The following GTF2H3 variants were observed in gnomAD, a reference collection of about 807,000 sequenced individuals.
The protein encoded by GTF2H3 is TFIIH basal transcription factor complex p34 subunit.
Under a neutral mutation model 51.1 loss-of-function variants are expected in GTF2H3, and 42 were observed. The observed-to-expected ratio is 0.82, with a 90% CI of 0.64 to 1.06. The LOEUF is 1.06. Among genes scored for constraint, GTF2H3 ranks in the 50% least tolerant of loss-of-function variants. The pLI is 0.00. For synonymous variants in GTF2H3, 123 were observed against 123.8 expected (o/e 0.99, Z 0.04); for missense variants, 326 against 366.1 (o/e 0.89, Z 0.89).
intron 9 of GTF2H3, among the ~76,000 whole-genome samples, chr12:123,657,101 G>C (rs1490331617): frequency 6.6e-6 from 1 of 151,806 alleles, no homozygotes; most frequent in Non-Finnish European, 1.5e-5. Flanking sequence ...TGTGAAAGTT[G>C]GTTCTCAGAA....
intron 2 of GTF2H3, among the ~76,000 whole-genome samples, chr12:123,640,782 A>G (rs1338395235): frequency 6.6e-6 from 1 of 152,206 alleles, no homozygotes; most frequent in African/African-American, 2.4e-5. Flanking sequence ...TCATAAATTT[A>G]TGTATTTTCT....
At chr12:123,651,337 A>G (rs11572969) in intron 5 of GTF2H3, among the ~76,000 whole-genome samples, 29 of 152,170 alleles carry the variant, frequency 1.9e-4, no homozygotes, top group African/African-American at 6.5e-4. Flanking sequence ...CAGCCTCCCA[A>G]GTAGCTGGTA....
intron 4 of GTF2H3, 40 bp from the exon 5 acceptor site, chr12:123,650,954 T>C (rs1955512346): frequency 7.3e-7 from 1 of 1,369,772 alleles, no homozygotes; most frequent in Non-Finnish European, 1.0e-6. Context: ...TTCAAGAAAG[T>C]ACTTAAAAAT....
At position 123,652,691 on chromosome 12, in the gene GTF2H3, T is replaced by C; in HGVS notation, c.458-16T>C. The C allele has an allele frequency of 1.3e-6, 2 of 1,535,534 alleles. No individual in the cohort carries two copies. Among genetic ancestry groups the C allele is most frequent in the Non-Finnish European group, 1.8e-6 (2 of 1,128,916 alleles). ...AAGATTTAGTTAAATTTTTTTCTGC[T>C]TTTTTCTCTTTGTAGACAATCAGGA... On this transcript the variant is annotated splice_polypyrimidine_tract_variant and intron_variant, in intron 6 of 12. Transcript: ENST00000543341.
intron 11 of GTF2H3, 24 bp from the exon 12 acceptor site, chr12:123,660,021 GT>G (rs1359296064): frequency 6.3e-7 from 1 of 1,584,734 alleles, no homozygotes; most frequent in East Asian, 2.2e-5. Context: ...CCACCCTATT[GT>G]TTCTTTTTTT....
intron 3 of GTF2H3, among the ~76,000 whole-genome samples, chr12:123,646,995 CA>C (rs980315856): frequency 6.6e-6 from 1 of 150,444 alleles, no homozygotes; most frequent in Admixed American, 6.6e-5. Flanking sequence ...ACTAAAAATA[CA>C]AAAAAAATTA....
At position 123,657,794 on chromosome 12, in the gene GTF2H3, C is replaced by A. The variant is rs569265582; in HGVS notation, c.616-1722C>A. On this transcript the variant is annotated intron_variant, in intron 9 of 12. Coordinates refer to ENST00000543341, the MANE Select transcript of GTF2H3 (RefSeq NM_001516.5). Reference sequence around the variant, plus strand: ...AAATGAATCTAACGGACCAACTGAACCAGGACTGTACTATCAGAGGAGCCT... The same window carrying A: ...AAATGAATCTAACGGACCAACTGAAACAGGACTGTACTATCAGAGGAGCCT... Among the ~76,000 whole-genome samples the A allele has an allele frequency of 2.6e-5, 4 of 152,316 alleles. No homozygotes were observed. In the South Asian group the frequency reaches 8.3e-4, roughly 32 times the overall value.
At chr12:123,646,328 G>A (rs1407517875) in intron 3 of GTF2H3, among the ~76,000 whole-genome samples, 1 of 151,192 alleles carries the variant, frequency 6.6e-6, no homozygotes, top group Non-Finnish European at 1.5e-5. Flanking sequence ...ACTATCATGG[G>A]TCACTGTAGC....
At chr12:123,639,184 T>C (rs1955332238) in intron 1 of GTF2H3, 80 bp from the exon 2 acceptor site, 1 of 732,598 alleles carries the variant, frequency 1.4e-6, no homozygotes, top group Non-Finnish European at 2.4e-6. Context: ...CTGGATTTAA[T>C]TTATGAATTG....
At chr12:123,642,055 T>C (rs1955383035) in intron 2 of GTF2H3, among the ~76,000 whole-genome samples, 1 of 151,898 alleles carries the variant, frequency 6.6e-6, no homozygotes, top group African/African-American at 2.4e-5. Context: ...GGTTTCACCA[T>C]ATTGGTCAGG....
At chr12:123,633,972 C>G in intron 1 of GTF2H3, 100 bp downstream of exon 1, 1 of 1,333,240 alleles carries the variant, frequency 7.5e-7, no homozygotes, top group Non-Finnish European at 1.1e-6. Flanking sequence ...TGGATAGAAT[C>G]CGTTTGGTCT....
intron 4 of GTF2H3, among the ~76,000 whole-genome samples, 199 bp from the exon 5 acceptor site, chr12:123,650,795 A>G (rs956607631): frequency 1.3e-5 from 2 of 152,216 alleles, no homozygotes; most frequent in Admixed American, 6.5e-5. Context: ...ACATTGAGAA[A>G]AGGTTAAAAA....
In GTF2H3 at chr12:123,659,905, T is replaced by C. The variant is rs1014978807; in HGVS notation, c.795T>C (p.Gly265=). The C allele has an allele frequency of 4.3e-6, 7 of 1,613,994 alleles. No individual in the cohort carries two copies. The highest frequency in any genetic ancestry group is 5.9e-6 in the Non-Finnish European group (7 of 1,180,022). ...CFCHRNLIEI[G]YVCSVCLSIF... ...GTCATCGAAATCTCATTGAAATTGG[T>C]TATGTCTGTTCTGTGTGTTTGTCAA... Residue 265 remains glycine, a synonymous_variant, in exon 11 of 13, where the codon GGT becomes GGC. Coordinates refer to ENST00000543341, the MANE Select transcript of GTF2H3 (RefSeq NM_001516.5).
chr12:123,634,168 C>A (rs1236438147), intron 1 of GTF2H3, among the ~76,000 whole-genome samples: 1 of 152,134 alleles, frequency 6.6e-6, no homozygotes, highest in African/African-American at 2.4e-5. Flanking sequence ...GGTCGCACCC[C>A]GGTGGATTAG....
At chr12:123,642,101 G>A (rs971345012) in intron 2 of GTF2H3, among the ~76,000 whole-genome samples, 35 of 151,620 alleles carry the variant, frequency 2.3e-4, no homozygotes, top group African/African-American at 8.0e-4. Flanking sequence ...TGATCCTCCC[G>A]CCTCGGCCTC....
At chr12:123,638,177 G>T (rs1593792609) in intron 1 of GTF2H3, among the ~76,000 whole-genome samples, 1 of 149,222 alleles carries the variant, frequency 6.7e-6, no homozygotes, top group Non-Finnish European at 1.5e-5. Flanking sequence ...TTTTTTCCCC[G>T]AGATGAAGTC....
chr12:123,638,646 G>A (rs1440946784), intron 1 of GTF2H3, among the ~76,000 whole-genome samples: 2 of 151,968 alleles, frequency 1.3e-5, no homozygotes, highest in East Asian at 3.9e-4. Flanking sequence ...GCTGCAATGT[G>A]CTAGGCAGTG....
intron 3 of GTF2H3, 31 bp downstream of exon 3, chr12:123,645,592 A>G (rs1955435356): frequency 9.1e-7 from 1 of 1,096,966 alleles, no homozygotes; most frequent in East Asian, 2.4e-5. Context: ...TTTGCTCTTC[A>G]GTGCTTAATA....
intron 9 of GTF2H3, among the ~76,000 whole-genome samples, chr12:123,656,989 G>A (rs1444392678): frequency 6.6e-6 from 1 of 152,034 alleles, no homozygotes; most frequent in East Asian, 1.9e-4. Flanking sequence ...TCGGGAGGTG[G>A]AGGCAGGAGG....
Sources: gnomAD v4.1 joint callset for allele counts (sites outside exome capture counted in the v4.1 genomes callset) on GRCh38, gnomAD v4.1.1 for gene constraint, MANE v1.5 for transcripts, NCBI Gene and HGNC (gene_info 2026-07-23, HGNC 2026-07-21) for gene names.